The following TG variants were observed in gnomAD, a reference collection of about 807,000 sequenced individuals.
TG encodes thyroid hormones.
Under a neutral mutation model 324.7 loss-of-function variants are expected in TG, and 270 were observed. That is an observed-to-expected ratio of 0.83 (90% CI 0.75 to 0.92). The LOEUF (loss-of-function observed/expected upper bound fraction) is 0.92. Among genes scored for constraint, TG ranks in the 40% least tolerant of loss-of-function variants. The pLI, the probability that TG is intolerant of heterozygous loss-of-function variation, is 0.00. For missense variants in TG, 3,591 were observed against 3,456.4 expected, an observed-to-expected ratio of 1.04 and a Z score of -0.98; for synonymous variants, 1,401 against 1,327.0, an observed-to-expected ratio of 1.06 and a Z score of -1.21.
Position 132,908,271 on chromosome 8 carries a change from G to C in TG, c.3933G>C (p.Ala1311=), listed in dbSNP as rs16904786. 6.2e-7 allele frequency: 1 copy of C among 1,613,664 alleles called. No individual in the cohort carries two copies. The highest frequency in any genetic ancestry group is 8.5e-7 in the Non-Finnish European group (1 of 1,179,956). ...PPGKMCSADY[A]DLLQTFQVFI... ...GCAAGATGTGCAGTGCTGACTACGC[G>C]GATTTGCTGCAGACTTTCCAGGTTT... Residue 1311 remains alanine (A), a synonymous_variant, in exon 18 of 48, where the codon GCG becomes GCC. Coordinates refer to ENST00000220616, the MANE Select transcript of TG (RefSeq NM_003235.5).
intron 41 of TG, among the ~76,000 whole-genome samples, chr8:133,052,973 C>A (rs1289969435): frequency 6.6e-6 from 1 of 152,176 alleles, no homozygotes; most frequent in Non-Finnish European, 1.5e-5. Flanking sequence ...ACTAATGGCC[C>A]CCACATATGA....
intron 41 of TG, among the ~76,000 whole-genome samples, chr8:133,056,608 A>C (rs1841481682): frequency 6.6e-6 from 1 of 152,170 alleles, no homozygotes; most frequent in Non-Finnish European, 1.5e-5. Context: ...AAGGCAAGTC[A>C]TTTAAGCTTC....
chr8:133,128,681 A>T (rs936626685), intron 45 of TG, among the ~76,000 whole-genome samples: 1 of 152,158 alleles, frequency 6.6e-6, no homozygotes, highest in Non-Finnish European at 1.5e-5. Context: ...CTGCCTTTCC[A>T]TGTGACAAGG....
chr8:133,030,154 C>A, intron 41 of TG, 131 bp downstream of exon 41: 2 of 1,147,866 alleles, frequency 1.7e-6, no homozygotes, highest in Non-Finnish European at 2.6e-6. Flanking sequence ...AGTGTGGATG[C>A]TGCTTGGAGT....
intron 46 of TG, 82 bp from the exon 47 acceptor site, chr8:133,133,388 G>A (rs895226219): frequency 2.4e-5 from 33 of 1,349,108 alleles, no homozygotes; most frequent in Admixed American, 1.3e-4. Context: ...CTCAGATACC[G>A]AGTGCAAGTG....
chr8:132,969,125 G>A (rs1170096053), intron 31 of TG, among the ~76,000 whole-genome samples: 1 of 152,062 alleles, frequency 6.6e-6, no homozygotes, highest in Non-Finnish European at 1.5e-5. Flanking sequence ...TAAACCTTGT[G>A]GGATTCCAGA....
In TG at chr8:133,026,830, C is replaced by T. The variant is rs551995232; in HGVS notation, c.7037-2991C>T. ...CAGGCAGGCTGGAGACAAGGACACA[C>T]TGCTAGGAGCATCAGCAACATAACG... On this transcript the variant is annotated intron_variant, in intron 40 of 47. Transcript: ENST00000220616. 1.1e-3 allele frequency among the ~76,000 whole-genome samples: 170 copies of T among 152,350 alleles called. 1 individual carries two copies. The highest frequency in any genetic ancestry group is 2.9e-3 in the Admixed American group (45 of 15,308).
At chr8:133,041,977 T>A (rs1295964404) in intron 41 of TG, among the ~76,000 whole-genome samples, 1 of 151,630 alleles carries the variant, frequency 6.6e-6, no homozygotes, top group Non-Finnish European at 1.5e-5. Context: ...TTAGTAGAGA[T>A]GGAGTTTCAC....
chr8:133,049,645 G>A, intron 41 of TG: 1 of 476,738 alleles, frequency 2.1e-6, no homozygotes, highest in Non-Finnish European at 3.9e-6. Flanking sequence ...TTACCACTCT[G>A]TGCCAGGAGC....
At chr8:132,978,675 GAT>G (rs1428515487) in intron 34 of TG, among the ~76,000 whole-genome samples, 2 of 152,134 alleles carry the variant, frequency 1.3e-5, no homozygotes, top group African/African-American at 4.8e-5. Flanking sequence ...GGGAAAGCTG[GAT>G]ATAGAGAAAG....
At chr8:133,001,860 A>G in intron 35 of TG, 2 of 985,484 alleles carry the variant, frequency 2.0e-6, no homozygotes, top group Non-Finnish European at 2.4e-6. Flanking sequence ...CAGCCTGTGC[A>G]GGTGTGGAAA....
At chr8:132,926,953 T>C (rs1344951084) in intron 22 of TG, among the ~76,000 whole-genome samples, 1 of 152,206 alleles carries the variant, frequency 6.6e-6, no homozygotes, top group African/African-American at 2.4e-5. Flanking sequence ...TTCTGTTTCC[T>C]TTGTTTACTT....
At chr8:132,876,819 G>A (rs1587196877) in intron 5 of TG, among the ~76,000 whole-genome samples, 2 of 152,240 alleles carry the variant, frequency 1.3e-5, no homozygotes, top group African/African-American at 4.8e-5. Flanking sequence ...CAGGGCTAAT[G>A]CCATTGTCAA....
chr8:132,977,947 A>G (rs1830378786), intron 34 of TG, among the ~76,000 whole-genome samples: 1 of 152,254 alleles, frequency 6.6e-6, no homozygotes, highest in Non-Finnish European at 1.5e-5. Flanking sequence ...CTGCCCACAA[A>G]GGGTTGACAG....
chr8:132,891,787 C>G (rs570230731), intron 10 of TG, among the ~76,000 whole-genome samples: 1 of 152,288 alleles, frequency 6.6e-6, no homozygotes, highest in African/African-American at 2.4e-5. Context: ...TTGATAATAT[C>G]CTTTTGAACA....
intron 35 of TG, among the ~76,000 whole-genome samples, chr8:132,984,022 CTGGA>C (rs1831223328): frequency 6.6e-6 from 1 of 152,206 alleles, no homozygotes; most frequent in African/African-American, 2.4e-5. Context: ...GTAGAGACAT[CTGGA>C]TGCTCTAGAT....
At chr8:132,870,077 A>G (rs1469202867) in intron 3 of TG, among the ~76,000 whole-genome samples, 2 of 152,190 alleles carry the variant, frequency 1.3e-5, no homozygotes, top group African/African-American at 4.8e-5. Flanking sequence ...TGAGAAGACA[A>G]TGGTGAACAG....
At chr8:132,958,584 G>C (rs548264075) in intron 27 of TG, among the ~76,000 whole-genome samples, 4 of 152,194 alleles carry the variant, frequency 2.6e-5, no homozygotes, top group South Asian at 4.2e-4. Flanking sequence ...CAGGTGTGGT[G>C]GTGGGCGCCT....
intron 43 of TG, among the ~76,000 whole-genome samples, chr8:133,111,700 T>A (rs1850261015): frequency 6.8e-6 from 1 of 147,726 alleles, no homozygotes; most frequent in Non-Finnish European, 1.5e-5. Context: ...TATGTCCATG[T>A]GTGTTCTGTT....
Sources: allele counts gnomAD v4.1 joint callset (sites outside exome capture counted in the v4.1 genomes callset), GRCh38; gene constraint gnomAD v4.1.1; transcripts MANE v1.5; gene names NCBI Gene and HGNC (gene_info 2026-07-23, HGNC 2026-07-21).